Variants in INSYN2B observed in about 807,000 individuals in gnomAD.
INSYN2B encodes the protein protein INSYN2B.
Under a neutral mutation model 41.2 loss-of-function variants are expected in INSYN2B, and 16 were observed. That is an observed-to-expected ratio of 0.39 (90% CI 0.26 to 0.59). The LOEUF (loss-of-function observed/expected upper bound fraction) is 0.59. Ranked by LOEUF, INSYN2B falls within the 20% of genes least tolerant of loss-of-function variation. INSYN2B has a pLI of 0.57. For synonymous variants in INSYN2B, 245 were observed against 244.4 expected, an observed-to-expected ratio of 1.00 and a Z score of -0.02; for missense variants, 608 against 646.4, an observed-to-expected ratio of 0.94 and a Z score of 0.64.
chr5:169,902,973 C>G (rs1246285089), intron 1 of INSYN2B, among the ~76,000 whole-genome samples: 1 of 152,094 alleles, frequency 6.6e-6, no homozygotes, highest in Admixed American at 6.5e-5. Flanking sequence ...TGGCACATGC[C>G]TGTAGTCCCA....
chr5:169,967,318 A>G (rs1777338482), intron 1 of INSYN2B, among the ~76,000 whole-genome samples: 1 of 152,170 alleles, frequency 6.6e-6, no homozygotes, highest in Non-Finnish European at 1.5e-5. Flanking sequence ...AGAGGTGACT[A>G]TGTCAATTGT....
In INSYN2B at chr5:169,946,416, G is replaced by A. The variant is rs374161659; in HGVS notation, c.-919+33861C>T. ...GCTACCTTTATGTTTCTTCATGTGTGTTCTTAGCTGGTTTTCATATTGGGA... is the reference window on the plus strand; with the variant it reads ...GCTACCTTTATGTTTCTTCATGTGTATTCTTAGCTGGTTTTCATATTGGGA... On this transcript the variant is annotated intron_variant, in intron 1 of 3. Coordinates refer to ENST00000377365, the MANE Select transcript of INSYN2B (RefSeq NM_001129891.3). Among the ~76,000 whole-genome samples, 280 of 152,328 alleles carry A rather than the reference G, an allele frequency of 1.8e-3. 6 individuals are homozygous for A. In the South Asian group the frequency reaches 0.048, roughly 26 times the overall value.
intron 1 of INSYN2B, among the ~76,000 whole-genome samples, chr5:169,955,858 T>G (rs1581468696): frequency 6.6e-6 from 1 of 152,178 alleles, no homozygotes; most frequent in Non-Finnish European, 1.5e-5. Context: ...TGTCTCATGG[T>G]CAAGGTGGCC....
intron 1 of INSYN2B, among the ~76,000 whole-genome samples, chr5:169,910,254 T>A (rs1774519226): frequency 6.6e-6 from 1 of 152,184 alleles, no homozygotes; most frequent in Non-Finnish European, 1.5e-5. Context: ...AGTGGCCATC[T>A]GAGACAAACA....
chr5:169,932,314 T>C (rs528159155), intron 1 of INSYN2B, among the ~76,000 whole-genome samples: 2 of 151,486 alleles, frequency 1.3e-5, no homozygotes, highest in African/African-American at 4.8e-5. Context: ...CTGCATGGAG[T>C]GGGATCTAAG....
At chr5:169,955,203 G>A (rs567309337) in intron 1 of INSYN2B, among the ~76,000 whole-genome samples, 3 of 152,332 alleles carry the variant, frequency 2.0e-5, no homozygotes, top group African/African-American at 7.2e-5. Context: ...TCAAGTTAGG[G>A]TTCAGAGTGG....
At chr5:169,956,335 T>C (rs962600910) in intron 1 of INSYN2B, among the ~76,000 whole-genome samples, 2 of 152,162 alleles carry the variant, frequency 1.3e-5, no homozygotes, top group African/African-American at 4.8e-5. Context: ...GATGCCAAGA[T>C]TTAGCCACAA....
At chr5:169,871,835 A>G (rs1432415940) in intron 3 of INSYN2B, among the ~76,000 whole-genome samples, 1 of 152,172 alleles carries the variant, frequency 6.6e-6, no homozygotes, top group Non-Finnish European at 1.5e-5. Context: ...CCACCTTGGA[A>G]TACTCTTTCT....
chr5:169,979,644 T>C (rs1777868781), intron 1 of INSYN2B, among the ~76,000 whole-genome samples: 1 of 152,180 alleles, frequency 6.6e-6, no homozygotes, highest in South Asian at 2.1e-4. Context: ...ATGCTTCTAG[T>C]CAGAAGTAAA....
At chr5:169,972,546 TAGA>T (rs1561859586) in intron 1 of INSYN2B, among the ~76,000 whole-genome samples, 1 of 76,780 alleles carries the variant, frequency 1.3e-5, no homozygotes, top group African/African-American at 4.3e-5. Flanking sequence ...GTGAGACAGA[TAGA>T]TAGATAGATA....
At chr5:169,973,509 C>T (rs1161866715) in intron 1 of INSYN2B, among the ~76,000 whole-genome samples, 2 of 152,148 alleles carry the variant, frequency 1.3e-5, no homozygotes, top group African/African-American at 2.4e-5. Context: ...GCATGGTTAT[C>T]CCCATTCACA....
chr5:169,967,169 A>C (rs1777331815), intron 1 of INSYN2B, among the ~76,000 whole-genome samples: 1 of 152,156 alleles, frequency 6.6e-6, no homozygotes, highest in Non-Finnish European at 1.5e-5. Flanking sequence ...GTTCCTGAAA[A>C]CTGCCATCAG....
chr5:169,895,546 G>A (rs1033822855), intron 1 of INSYN2B, among the ~76,000 whole-genome samples: 3 of 151,906 alleles, frequency 2.0e-5, no homozygotes, highest in Admixed American at 6.6e-5. Context: ...TCTTTTGGGG[G>A]TAGGATCACA....
intron 3 of INSYN2B, among the ~76,000 whole-genome samples, chr5:169,877,215 G>A (rs1223621195): frequency 6.6e-6 from 1 of 152,200 alleles, no homozygotes; most frequent in Non-Finnish European, 1.5e-5. Flanking sequence ...CCCCATGGCT[G>A]GAGAGGAGCC....
chr5:169,923,397 T>C (rs907070425), intron 1 of INSYN2B, among the ~76,000 whole-genome samples: 9 of 152,254 alleles, frequency 5.9e-5, no homozygotes, highest in African/African-American at 2.2e-4. Context: ...GGCTCTAGTA[T>C]AGGATTTCAG....
chr5:169,971,575 G>A (rs1015546963), intron 1 of INSYN2B, among the ~76,000 whole-genome samples: 8 of 152,084 alleles, frequency 5.3e-5, no homozygotes, highest in Non-Finnish European at 1.2e-4. Flanking sequence ...TCTCATCATG[G>A]GGATCAGCTT....
At chr5:169,870,587 A>G (rs573844161) in intron 3 of INSYN2B, among the ~76,000 whole-genome samples, 92 of 151,928 alleles carry the variant, frequency 6.1e-4, no homozygotes, top group Admixed American at 1.3e-3. Flanking sequence ...TCTTTTTTTA[A>G]TTTTTTGATT....
rs151015767 is a variant in INSYN2B at position 169,929,635 on chromosome 5, C to T, written c.-918-44819G>A. ...GCACATGCCTGTAGTCCCTGCTACT[C>T]GGAGGCTGAGGCAGGAGAATCACTC... On this transcript the variant is annotated intron_variant, in intron 1 of 3. Transcript: ENST00000377365. Among the ~76,000 whole-genome samples, 918 of 150,608 alleles carry T rather than the reference C, an allele frequency of 6.1e-3. 10 individuals carry two copies. Among genetic ancestry groups the T allele is most frequent in the African/African-American group, 0.02 (833 of 40,912 alleles).
chr5:169,934,680 T>A (rs1039511604), intron 1 of INSYN2B: 1 of 456,138 alleles, frequency 2.2e-6, no homozygotes, highest in Admixed American at 2.4e-5. Flanking sequence ...ACTGAACCGA[T>A]TGGGTGCTAC....
Sources: gnomAD v4.1 joint callset for allele counts (sites outside exome capture counted in the v4.1 genomes callset) on GRCh38, gnomAD v4.1.1 for gene constraint, MANE v1.5 for transcripts, NCBI Gene and HGNC (gene_info 2026-07-23, HGNC 2026-07-21) for gene names.